The following ROBO1 variants were observed in gnomAD, a reference collection of about 807,000 sequenced individuals.
ROBO1 encodes the protein roundabout guidance receptor 1.
Under a neutral mutation model 195.9 loss-of-function variants are expected in ROBO1, and 149 were observed. That is an observed-to-expected ratio of 0.76 (90% CI 0.67 to 0.87). The LOEUF (loss-of-function observed/expected upper bound fraction) is 0.87. Among genes scored for constraint, ROBO1 ranks in the 40% least tolerant of loss-of-function variants. The pLI, the probability that ROBO1 is intolerant of heterozygous loss-of-function variation, is 0.00. For missense variants in ROBO1, 1,933 were observed against 2,068.3 expected, an observed-to-expected ratio of 0.93 and a Z score of 1.27; for synonymous variants, 816 against 733.2, an observed-to-expected ratio of 1.11 and a Z score of -1.82.
At chr3:79,241,824 T>G (rs1174605925) in intron 2 of ROBO1, among the ~76,000 whole-genome samples, 2 of 151,864 alleles carry the variant, frequency 1.3e-5, no homozygotes, top group Non-Finnish European at 2.9e-5. Context: ...AGTTAAGATT[T>G]AGAGTAATGA....
chr3:79,638,368 T>A (rs760220214), intron 1 of ROBO1, among the ~76,000 whole-genome samples: 4 of 152,194 alleles, frequency 2.6e-5, no homozygotes, highest in Non-Finnish European at 5.9e-5. Context: ...ATGTATATTC[T>A]TAATTATGTA....
chr3:79,422,576 A>G (rs2106946073), intron 2 of ROBO1, among the ~76,000 whole-genome samples: 1 of 152,274 alleles, frequency 6.6e-6, no homozygotes, highest in African/African-American at 2.4e-5. Flanking sequence ...AAGAATGAGA[A>G]AGGGTAGAGA....
At chr3:79,440,578 C>T (rs1431071286) in intron 2 of ROBO1, among the ~76,000 whole-genome samples, 1 of 152,078 alleles carries the variant, frequency 6.6e-6, no homozygotes, top group African/African-American at 2.4e-5. Context: ...AACAAGCTCC[C>T]CTTGTTTATA....
intron 1 of ROBO1, among the ~76,000 whole-genome samples, chr3:79,651,800 G>A (rs1489644341): frequency 1.3e-5 from 2 of 152,078 alleles, no homozygotes; most frequent in Non-Finnish European, 2.9e-5. Context: ...TCTTCTATTT[G>A]TGCATGACTG....
At chr3:79,710,157 T>G (rs868488416) in intron 1 of ROBO1, among the ~76,000 whole-genome samples, 1 of 152,014 alleles carries the variant, frequency 6.6e-6, no homozygotes, top group Admixed American at 6.6e-5. Context: ...AAAAGAGATA[T>G]GGAAGATGAC....
chr3:79,035,293 G>A (rs1295294745), intron 3 of ROBO1, among the ~76,000 whole-genome samples: 1 of 152,090 alleles, frequency 6.6e-6, no homozygotes, highest in African/African-American at 2.4e-5. Flanking sequence ...TTTGCAGTAG[G>A]CAGCAGGCGC....
rs149789709 is a variant in ROBO1, at chr3:78,882,785, C to T, written c.499+55816G>A. Reference sequence around the variant, plus strand: ...AAATATTTCTTAGCTCCTTTACCTTCGGGATAACACCTCTGTTCTTCCTAA... The same window carrying T: ...AAATATTTCTTAGCTCCTTTACCTTTGGGATAACACCTCTGTTCTTCCTAA... On this transcript the variant is annotated intron_variant, in intron 4 of 30. Transcript: ENST00000464233. 1.2e-3 allele frequency among the ~76,000 whole-genome samples: 174 copies of T among 150,422 alleles called. 1 individual carries two copies. The East Asian group carries it at 0.017, about 15-fold the overall frequency.
chr3:79,590,054 T>C (rs1943950787), intron 1 of ROBO1, 93 bp from the exon 2 acceptor site: 2 of 541,906 alleles, frequency 3.7e-6, no homozygotes, highest in Non-Finnish European at 6.6e-6. Context: ...AGATTTGAAA[T>C]GTCATTTTTT....
At chr3:79,299,195 C>G (rs564442105) in intron 2 of ROBO1, among the ~76,000 whole-genome samples, 102 of 152,192 alleles carry the variant, frequency 6.7e-4, no homozygotes, top group Admixed American at 6.6e-3. Flanking sequence ...AAGTTTACAT[C>G]GCATTTAGCA....
chr3:79,193,076 A>C (rs1463385308), intron 2 of ROBO1, among the ~76,000 whole-genome samples: 2 of 151,680 alleles, frequency 1.3e-5, no homozygotes, highest in African/African-American at 2.4e-5. Flanking sequence ...CATAGGTGAC[A>C]TTTACAGAAA....
rs763061726 is a variant in ROBO1, at chr3:78,670,272, G to A, written c.1372C>T (p.Arg458Ter). 7.6e-6 allele frequency: 12 copies of A among 1,574,884 alleles called. No individual in the cohort carries two copies. Among genetic ancestry groups the A allele is most frequent in the East Asian group, 2.3e-5 (1 of 42,964 alleles). ...VIADRPPPVI[R>*]QGPVNQTVAV... is the part of the protein sequence containing the mutation. ...ACAGTCTGATTCACAGGACCTTGTC[G>A]AATAACTGGGGGAGGCCGATCTGCA... The change falls in exon 11 of 31, where the codon CGA (arginine) becomes TGA (stop). Residue 458 changes from arginine to a stop codon, truncating the protein, a stop_gained. Transcript: ENST00000464233. LOFTEE classifies it high-confidence loss of function.
rs1559624070 is a variant in ROBO1 at position 78,597,641 on chromosome 3, T to C, written c.*1272A>G. On this transcript the variant is annotated 3_prime_UTR_variant, in exon 31 of 31. Coordinates refer to ENST00000464233, the MANE Select transcript of ROBO1 (RefSeq NM_002941.4). ...CTAGTCAGAGGGCATCATTTGTCAA[T>C]TGAAAGCAAGTAATGCCTCTATTAG... 2 of 152,304 alleles carry C rather than the reference T, an allele frequency of 1.3e-5. No homozygotes were observed. Among genetic ancestry groups the C allele is most frequent in the East Asian group, 3.8e-4 (2 of 5,198 alleles). 9.4% of individuals were successfully genotyped at this position (152,304 alleles called of 1,614,324 possible). A position where few individuals can be genotyped will look rare whatever the true frequency, so the allele number is the denominator to read the frequency against.
rs533944916 is a variant in ROBO1, at chr3:78,971,120, G to A, written c.173-32193C>T. Among the ~76,000 whole-genome samples, 459 of 152,254 alleles carry A rather than the reference G, an allele frequency of 3.0e-3. 2 individuals carry two copies. Among genetic ancestry groups the A allele is most frequent in the Non-Finnish European group, 4.1e-3 (279 of 68,006 alleles). ...TAAAAATGTCCAGGGGCCAGCTGTGGGTGGCTCATGCCCATAATCCCAGCA... is the reference window on the plus strand; with the variant it reads ...TAAAAATGTCCAGGGGCCAGCTGTGAGTGGCTCATGCCCATAATCCCAGCA... On this transcript the variant is annotated intron_variant, in intron 3 of 30. Transcript: ENST00000464233.
chr3:79,117,202 T>A (rs1418634114), intron 3 of ROBO1, among the ~76,000 whole-genome samples: 1 of 151,724 alleles, frequency 6.6e-6, no homozygotes, highest in African/African-American at 2.4e-5. Flanking sequence ...ACCCCATCTC[T>A]ACTAAAATAA....
chr3:79,389,829 T>C (rs966962442), intron 2 of ROBO1, among the ~76,000 whole-genome samples: 4 of 152,172 alleles, frequency 2.6e-5, no homozygotes, highest in Non-Finnish European at 4.4e-5. Context: ...GTTAGAGTCC[T>C]ATGGCCAAAG....
intron 3 of ROBO1, among the ~76,000 whole-genome samples, chr3:79,082,065 GA>G (rs1183047826): frequency 1.3e-5 from 2 of 151,988 alleles, no homozygotes; most frequent in Non-Finnish European, 2.9e-5. Flanking sequence ...ATATTACCTA[GA>G]AAGCTAACTT....
chr3:79,558,358 T>C (rs1942788492), intron 2 of ROBO1, among the ~76,000 whole-genome samples: 1 of 152,230 alleles, frequency 6.6e-6, no homozygotes, highest in Non-Finnish European at 1.5e-5. Context: ...AATATGTTTT[T>C]TTCTTACGAC....
chr3:79,695,768 A>T (rs1219169824), intron 1 of ROBO1, among the ~76,000 whole-genome samples: 1 of 151,486 alleles, frequency 6.6e-6, no homozygotes, highest in Non-Finnish European at 1.5e-5. Flanking sequence ...ATTATGTTGA[A>T]ATGCTTTACT....
At chr3:79,165,718 C>T (rs2108678229) in intron 2 of ROBO1, among the ~76,000 whole-genome samples, 1 of 152,256 alleles carries the variant, frequency 6.6e-6, no homozygotes. Flanking sequence ...TGCACCAGAC[C>T]AGATACACAT....
Sources: gnomAD v4.1 joint callset for allele counts (sites outside exome capture counted in the v4.1 genomes callset) on GRCh38, gnomAD v4.1.1 for gene constraint, MANE v1.5 for transcripts, NCBI Gene and HGNC (gene_info 2026-07-23, HGNC 2026-07-21) for gene names.